The following HS2ST1 variants were observed in gnomAD, a reference collection of about 807,000 sequenced individuals.
HS2ST1 encodes 2-O-sulfotransferase.
Under a neutral mutation model 42.9 loss-of-function variants are expected in HS2ST1, and 18 were observed. The observed-to-expected ratio is 0.42, with a 90% CI of 0.29 to 0.62. The LOEUF is 0.62. HS2ST1 is among the 20% of genes least tolerant of loss of function. The pLI is 0.21. For synonymous variants in HS2ST1, 146 were observed against 152.9 expected (o/e 0.95, Z 0.33); for missense variants, 334 against 433.8 (o/e 0.77, Z 2.04).
intron 2 of HS2ST1, 82 bp downstream of exon 2, chr1:87,073,254 T>C (rs938927014): frequency 1.2e-5 from 12 of 960,040 alleles, no homozygotes; most frequent in African/African-American, 3.2e-5. Context: ...TAAAGTATTT[T>C]AAAGGGATGT....
chr1:86,986,770 A>T (rs1023816341), intron 1 of HS2ST1, among the ~76,000 whole-genome samples: 10 of 152,344 alleles, frequency 6.6e-5, no homozygotes, highest in African/African-American at 2.4e-4. Flanking sequence ...GAGATTCCAG[A>T]ATGAAACAGC....
At chr1:87,028,129 T>C (rs1307532883) in intron 1 of HS2ST1, among the ~76,000 whole-genome samples, 1 of 152,248 alleles carries the variant, frequency 6.6e-6, no homozygotes, top group African/African-American at 2.4e-5. Context: ...AGTTCTAGCC[T>C]AACAATAGAG....
chr1:87,020,222 A>G (rs1042591339), intron 1 of HS2ST1, among the ~76,000 whole-genome samples: 4 of 152,218 alleles, frequency 2.6e-5, no homozygotes, highest in South Asian at 2.1e-4. Context: ...TGTTGGCTCT[A>G]AAGTTGAGGG....
intron 1 of HS2ST1, among the ~76,000 whole-genome samples, chr1:86,978,224 T>C (rs1267234822): frequency 6.6e-6 from 1 of 152,214 alleles, no homozygotes; most frequent in Non-Finnish European, 1.5e-5. Context: ...TTTCAGAACA[T>C]CTATCTGTCA....
At chr1:87,100,458 A>G (rs1009662472) in intron 5 of HS2ST1, among the ~76,000 whole-genome samples, 3 of 152,110 alleles carry the variant, frequency 2.0e-5, no homozygotes, top group Admixed American at 6.5e-5. Flanking sequence ...CTTCCCCCCA[A>G]GGCTTCTGGG....
chr1:86,926,306 A>T (rs541587207), intron 1 of HS2ST1, among the ~76,000 whole-genome samples: 14 of 152,146 alleles, frequency 9.2e-5, no homozygotes, highest in Non-Finnish European at 1.0e-4. Context: ...CTCTGCTGAA[A>T]ATTCTGTTTT....
intron 1 of HS2ST1, among the ~76,000 whole-genome samples, chr1:86,963,975 G>A (rs1231772799): frequency 2.1e-4 from 32 of 149,196 alleles, no homozygotes; most frequent in Non-Finnish European, 3.9e-4. Context: ...GCTGCCGGGC[G>A]GAGGGGCTCC....
chr1:87,106,803 C>T lies in HS2ST1; in HGVS notation c.*2107C>T, dbSNP rs1355084180. ...TCAAGGTGTGGTTTGACATTACATG[C>T]TAATGAACAAACCCAGTATGCAAGT... On this transcript the variant is annotated 3_prime_UTR_variant, in exon 7 of 7. Coordinates refer to ENST00000370550, the MANE Select transcript of HS2ST1 (RefSeq NM_012262.4). 6.6e-6 allele frequency: 1 copy of T among 151,998 alleles called. No homozygotes were observed. Among genetic ancestry groups the T allele is most frequent in the African/African-American group, 2.4e-5 (1 of 41,418 alleles). The allele number at this position is 151,998 out of a possible 1,614,324, so 9.4% of individuals were successfully genotyped here.
chr1:86,983,891 T>C (rs1250011226), intron 1 of HS2ST1, among the ~76,000 whole-genome samples: 1 of 152,026 alleles, frequency 6.6e-6, no homozygotes, highest in East Asian at 1.9e-4. Flanking sequence ...AATACAAAAA[T>C]TAGCTGGGCG....
intron 1 of HS2ST1, among the ~76,000 whole-genome samples, chr1:86,996,175 G>A (rs947206391): frequency 6.6e-6 from 1 of 152,108 alleles, no homozygotes; most frequent in African/African-American, 2.4e-5. Context: ...AGGTACAGTG[G>A]CTCATGCCTG....
At chr1:86,918,465 G>C (rs1660215017) in intron 1 of HS2ST1, among the ~76,000 whole-genome samples, 1 of 151,722 alleles carries the variant, frequency 6.6e-6, no homozygotes, top group African/African-American at 2.4e-5. Context: ...TCCCCCATCT[G>C]TCGTGTGTGT....
At chr1:86,955,798 A>G (rs1318284009) in intron 1 of HS2ST1, among the ~76,000 whole-genome samples, 1 of 152,154 alleles carries the variant, frequency 6.6e-6, no homozygotes, top group Non-Finnish European at 1.5e-5. Flanking sequence ...CAGCCTAGGC[A>G]ACATAGCAAA....
chr1:87,047,155 T>TA (rs1409876764), intron 1 of HS2ST1, among the ~76,000 whole-genome samples: 3 of 152,306 alleles, frequency 2.0e-5, no homozygotes, highest in Non-Finnish European at 2.9e-5. Flanking sequence ...TAGCCATTCT[T>TA]ACAAATTTTT....
intron 1 of HS2ST1, among the ~76,000 whole-genome samples, chr1:86,964,397 A>T (rs1050977656): frequency 1.3e-5 from 2 of 152,250 alleles, no homozygotes; most frequent in African/African-American, 4.8e-5. Flanking sequence ...GCACCTCGGG[A>T]GGCCGAGGCT....
intron 1 of HS2ST1, among the ~76,000 whole-genome samples, chr1:87,053,581 T>C (rs1442208913): frequency 6.6e-6 from 1 of 152,204 alleles, no homozygotes; most frequent in Non-Finnish European, 1.5e-5. Context: ...GCAGAGATTT[T>C]AGTTAAATGC....
intron 1 of HS2ST1, among the ~76,000 whole-genome samples, chr1:86,971,651 A>G (rs1288684832): frequency 2.6e-5 from 4 of 152,214 alleles, no homozygotes; most frequent in Non-Finnish European, 4.4e-5. Context: ...GTTCTGAACA[A>G]AACAGAGTCC....
intron 1 of HS2ST1, among the ~76,000 whole-genome samples, chr1:86,963,726 G>A (rs1245122206): frequency 6.9e-6 from 1 of 144,062 alleles, no homozygotes; most frequent in Non-Finnish European, 1.5e-5. Flanking sequence ...TTCCCAGAAG[G>A]GGCGGCCAGG....
At chr1:86,986,676 G>A (rs1184385964) in intron 1 of HS2ST1, among the ~76,000 whole-genome samples, 2 of 152,138 alleles carry the variant, frequency 1.3e-5, no homozygotes, top group African/African-American at 4.8e-5. Context: ...CTGGTGTTGA[G>A]GATGGAGGAG....
chr1:86,949,705 T>C (rs1647446072), intron 1 of HS2ST1, among the ~76,000 whole-genome samples: 1 of 152,268 alleles, frequency 6.6e-6, no homozygotes, highest in Admixed American at 6.5e-5. Context: ...CAAATAGCCA[T>C]GTGTGGCTAG....
Sources: gnomAD v4.1 joint callset for allele counts (sites outside exome capture counted in the v4.1 genomes callset) on GRCh38, gnomAD v4.1.1 for gene constraint, MANE v1.5 for transcripts, NCBI Gene and HGNC (gene_info 2026-07-23, HGNC 2026-07-21) for gene names.